Variants in CTNNA3 observed in about 807,000 individuals in gnomAD.
CTNNA3 encodes the protein catenin alpha-3.
Under a neutral mutation model 95.7 loss-of-function variants are expected in CTNNA3, and 76 were observed. That is an observed-to-expected ratio of 0.79 (90% confidence interval 0.66 to 0.96). The LOEUF (loss-of-function observed/expected upper bound fraction) is 0.96. Ranked by LOEUF, CTNNA3 falls within the 40% of genes least tolerant of loss-of-function variation. The pLI is 0.00. For synonymous variants in CTNNA3, 431 were observed against 374.4 expected (o/e 1.15, Z -1.74); for missense variants, 1,191 against 1,089.8 (o/e 1.09, Z -1.31).
At chr10:67,372,667 A>G (rs1293048616) in intron 5 of CTNNA3, among the ~76,000 whole-genome samples, 1 of 152,170 alleles carries the variant, frequency 6.6e-6, no homozygotes, top group African/African-American at 2.4e-5. Flanking sequence ...TCCAAGACAC[A>G]TAATTGTCAG....
At chr10:67,630,487 G>A (rs1240865907) in intron 2 of CTNNA3, among the ~76,000 whole-genome samples, 2 of 152,182 alleles carry the variant, frequency 1.3e-5, no homozygotes, top group East Asian at 3.9e-4. Flanking sequence ...TGAACATGTA[G>A]CTTGAGCAGG....
chr10:66,168,230 C>G (rs2085239246), intron 13 of CTNNA3, among the ~76,000 whole-genome samples: 1 of 152,132 alleles, frequency 6.6e-6, no homozygotes, highest in South Asian at 2.1e-4. Flanking sequence ...TGGAAACTCC[C>G]CATACCATAT....
intron 2 of CTNNA3, among the ~76,000 whole-genome samples, chr10:67,641,095 C>T (rs549428979): frequency 2.6e-5 from 4 of 151,924 alleles, no homozygotes; most frequent in Non-Finnish European, 5.9e-5. Context: ...AAAATTTTTG[C>T]AATCTAGTCA....
chr10:67,028,579 A>T (rs1331441653), intron 7 of CTNNA3, among the ~76,000 whole-genome samples: 1 of 151,736 alleles, frequency 6.6e-6, no homozygotes, highest in East Asian at 1.9e-4. Flanking sequence ...GTCAAACAGC[A>T]TGTGCAATGA....
intron 1 of CTNNA3, among the ~76,000 whole-genome samples, chr10:67,735,679 C>T (rs1161000059): frequency 1.3e-5 from 2 of 152,052 alleles, no homozygotes; most frequent in African/African-American, 2.4e-5. Flanking sequence ...ATGTAGAAAT[C>T]GAAACCCTCA....
intron 9 of CTNNA3, among the ~76,000 whole-genome samples, chr10:66,707,291 C>T (rs1398212445): frequency 6.6e-6 from 1 of 151,984 alleles, no homozygotes; most frequent in African/African-American, 2.4e-5. Flanking sequence ...ACTTTGTGCA[C>T]AATGTATAGA....
At chr10:66,783,572 A>T (rs1401221281) in intron 7 of CTNNA3, among the ~76,000 whole-genome samples, 1 of 152,140 alleles carries the variant, frequency 6.6e-6, no homozygotes, top group East Asian at 1.9e-4. Context: ...CTAATATAAA[A>T]GCGTCTGTAC....
intron 14 of CTNNA3, among the ~76,000 whole-genome samples, chr10:66,073,413 A>G (rs1250373275): frequency 1.3e-5 from 2 of 151,950 alleles, no homozygotes; most frequent in South Asian, 2.1e-4. Context: ...CTTCCAAACA[A>G]CCTCTTCAGT....
intron 12 of CTNNA3, among the ~76,000 whole-genome samples, chr10:66,325,945 C>T: frequency 6.6e-6 from 1 of 152,072 alleles, no homozygotes; most frequent in East Asian, 1.9e-4. Context: ...TCACACTTAA[C>T]CATGCATGAA....
chr10:67,493,215 A>AGGG (rs1564690564), intron 5 of CTNNA3, among the ~76,000 whole-genome samples: 5 of 151,524 alleles, frequency 3.3e-5, no homozygotes, highest in African/African-American at 1.2e-4. Flanking sequence ...GTGGGGGAAA[A>AGGG]AAAAAAAAAA....
In CTNNA3 at chr10:67,142,793, G is replaced by A. The variant is rs527887143; in HGVS notation, c.1047+37524C>T. Reference sequence around the variant, plus strand: ...GTAAGATACAAAAAATTAGCCAGGCGTGGTGGCATGTGCCTGTAATCCCAG... The same window carrying A: ...GTAAGATACAAAAAATTAGCCAGGCATGGTGGCATGTGCCTGTAATCCCAG... On this transcript the variant is annotated intron_variant, in intron 7 of 17. Coordinates refer to ENST00000433211, the MANE Select transcript of CTNNA3 (RefSeq NM_013266.4). 7.2e-5 allele frequency among the ~76,000 whole-genome samples: 11 copies of A among 152,220 alleles called. No individual in the cohort carries two copies. In the South Asian group the frequency reaches 1.0e-3, roughly 14 times the overall value.
chr10:66,686,910 G>T (rs1847318851), intron 9 of CTNNA3, among the ~76,000 whole-genome samples: 1 of 151,536 alleles, frequency 6.6e-6, no homozygotes, highest in Non-Finnish European at 1.5e-5. Context: ...TTGTTTTTTT[G>T]TCACAACATA....
intron 9 of CTNNA3, among the ~76,000 whole-genome samples, chr10:66,693,034 C>A (rs1420555015): frequency 6.6e-6 from 1 of 152,100 alleles, no homozygotes; most frequent in Non-Finnish European, 1.5e-5. Flanking sequence ...ACCATCGAGG[C>A]TAGGAAGAAA....
intron 5 of CTNNA3, among the ~76,000 whole-genome samples, chr10:67,268,384 C>T (rs530546782): frequency 3.4e-5 from 5 of 149,064 alleles, no homozygotes; most frequent in Admixed American, 6.7e-5. Flanking sequence ...CAGCCGTTAG[C>T]GGCGGCTCAT....
At chr10:66,862,903 G>C (rs1440487089) in intron 7 of CTNNA3, among the ~76,000 whole-genome samples, 1 of 152,076 alleles carries the variant, frequency 6.6e-6, no homozygotes, top group Non-Finnish European at 1.5e-5. Flanking sequence ...AATAACAAAA[G>C]TCTGCCCTTT....
At chr10:67,157,261 G>A (rs1184929844) in intron 7 of CTNNA3, among the ~76,000 whole-genome samples, 4 of 152,132 alleles carry the variant, frequency 2.6e-5, no homozygotes, top group Admixed American at 1.3e-4. Flanking sequence ...CCAACAAAAC[G>A]TATCAGTAAA....
At chr10:67,393,200 A>G (rs1302504921) in intron 5 of CTNNA3, among the ~76,000 whole-genome samples, 2 of 152,170 alleles carry the variant, frequency 1.3e-5, no homozygotes, top group South Asian at 2.1e-4. Flanking sequence ...AAATCTGCCA[A>G]CAATACCATC....
At chr10:66,995,637 G>T (rs1255392850) in intron 7 of CTNNA3, among the ~76,000 whole-genome samples, 2 of 152,144 alleles carry the variant, frequency 1.3e-5, no homozygotes, top group East Asian at 3.9e-4. Flanking sequence ...ATTAAGTTCA[G>T]GTTCTTTCCT....
intron 4 of CTNNA3, among the ~76,000 whole-genome samples, chr10:67,537,000 T>C (rs1250874161): frequency 6.6e-6 from 1 of 152,138 alleles, no homozygotes; most frequent in Non-Finnish European, 1.5e-5. Context: ...TGAAAAACTA[T>C]CACGATTTAC....
Sources: allele counts gnomAD v4.1 joint callset (sites outside exome capture counted in the v4.1 genomes callset), GRCh38; gene constraint gnomAD v4.1.1; transcripts MANE v1.5; gene names NCBI Gene and HGNC (gene_info 2026-07-23, HGNC 2026-07-21).